Variants in HS3ST3A1 observed in about 807,000 individuals in gnomAD.
The protein encoded by HS3ST3A1 is heparan sulfate glucosamine 3-O-sulfotransferase 3A1.
HS3ST3A1 carries 19 observed loss-of-function variants against 25.7 expected under a neutral mutation model. The observed-to-expected ratio is 0.74, with a 90% CI of 0.52 to 1.08. The LOEUF is 1.08. Ranked by LOEUF, HS3ST3A1 falls within the 50% of genes least tolerant of loss-of-function variation. The pLI, the probability that HS3ST3A1 is intolerant of heterozygous loss-of-function variation, is 0.00. For synonymous variants in HS3ST3A1, 226 were observed against 278.6 expected (o/e 0.81, Z 1.88); for missense variants, 459 against 594.3 (o/e 0.77, Z 2.37).
At chr17:13,514,507 A>G (rs1232027880) in intron 1 of HS3ST3A1, among the ~76,000 whole-genome samples, 1 of 152,164 alleles carries the variant, frequency 6.6e-6, no homozygotes, top group Non-Finnish European at 1.5e-5. Context: ...TCATATACTA[A>G]GTTGCTATGT....
intron 1 of HS3ST3A1, among the ~76,000 whole-genome samples, chr17:13,526,729 C>T (rs541159872): frequency 4.0e-5 from 6 of 151,822 alleles, no homozygotes; most frequent in African/African-American, 1.4e-4. Context: ...CTTACAGCAA[C>T]CTCCGCCTCC....
chr17:13,556,851 A>T (rs12947760), intron 1 of HS3ST3A1, among the ~76,000 whole-genome samples: 9,595 of 71,580 alleles, frequency 0.13, 403 homozygotes, highest in Non-Finnish European at 0.15. Flanking sequence ...AACTCCGCCT[A>T]AAAAAAAAAA....
intron 1 of HS3ST3A1, among the ~76,000 whole-genome samples, chr17:13,568,247 G>C (rs1244130978): frequency 6.6e-6 from 1 of 152,094 alleles, no homozygotes; most frequent in Non-Finnish European, 1.5e-5. Context: ...TACTTTTTTA[G>C]ACATAATTAC....
intron 1 of HS3ST3A1, among the ~76,000 whole-genome samples, chr17:13,511,871 T>C (rs368682661): frequency 6.6e-6 from 1 of 152,212 alleles, no homozygotes; most frequent in Non-Finnish European, 1.5e-5. Flanking sequence ...TTTTGATAGA[T>C]AACTTGGAAT....
chr17:13,591,308 A>G (rs1908419134), intron 1 of HS3ST3A1, among the ~76,000 whole-genome samples: 1 of 151,802 alleles, frequency 6.6e-6, no homozygotes, highest in Admixed American at 6.6e-5. Context: ...CAGCCTCCCA[A>G]AGTGCTGGGA....
At chr17:13,520,132 C>G (rs1484826165) in intron 1 of HS3ST3A1, among the ~76,000 whole-genome samples, 3 of 152,114 alleles carry the variant, frequency 2.0e-5, no homozygotes, top group Non-Finnish European at 4.4e-5. Context: ...CCACCACCTC[C>G]CTACATCTAT....
rs562516408 is a variant in HS3ST3A1, at chr17:13,506,999, G to A, written c.600-10181C>T. On this transcript the variant is annotated intron_variant, in intron 1 of 1. Transcript: ENST00000284110. ...TGGGAGAATCGCTTGAACCCGGGAG[G>A]CAGAGGTTGCAGTGAGCCAAGATTG... Among the ~76,000 whole-genome samples the A allele has an allele frequency of 8.6e-5, 13 of 151,060 alleles. No individual in the cohort carries two copies. The East Asian group carries it at 2.5e-3, about 30-fold the overall frequency.
At chr17:13,586,871 C>CAAAAA (rs57580843) in intron 1 of HS3ST3A1, among the ~76,000 whole-genome samples, 3 of 44,730 alleles carry the variant, frequency 6.7e-5, no homozygotes, top group Non-Finnish European at 3.6e-5. Flanking sequence ...CTCTGTCTCA[C>CAAAAA]AAAAAAAAAA....
chr17:13,589,545 G>A (rs774886489), intron 1 of HS3ST3A1, among the ~76,000 whole-genome samples: 1 of 152,076 alleles, frequency 6.6e-6, no homozygotes, highest in Non-Finnish European at 1.5e-5. Context: ...AGGAGTAAGA[G>A]TAAGGCCTCA....
intron 1 of HS3ST3A1, among the ~76,000 whole-genome samples, chr17:13,586,163 C>G (rs1300708004): frequency 3.9e-5 from 6 of 151,984 alleles, no homozygotes; most frequent in Non-Finnish European, 8.8e-5. Context: ...TTCCTTATCA[C>G]AGTTACAGTT....
chr17:13,571,847 C>G (rs756844231), intron 1 of HS3ST3A1, among the ~76,000 whole-genome samples: 11 of 152,176 alleles, frequency 7.2e-5, no homozygotes, highest in Non-Finnish European at 1.6e-4. Context: ...GCAGCCTCCA[C>G]CTCCCAGGTT....
intron 1 of HS3ST3A1, among the ~76,000 whole-genome samples, chr17:13,574,923 GA>G (rs1184433942): frequency 2.0e-5 from 3 of 152,022 alleles, no homozygotes; most frequent in Non-Finnish European, 4.4e-5. Context: ...AATACTGCTT[GA>G]AGACAAAATA....
chr17:13,586,971 A>G (rs999810003), intron 1 of HS3ST3A1, among the ~76,000 whole-genome samples: 3 of 150,010 alleles, frequency 2.0e-5, no homozygotes, highest in Non-Finnish European at 4.4e-5. Context: ...TTTTGATTTC[A>G]TATTGAAAAT....
chr17:13,588,290 C>T (rs1908330558), intron 1 of HS3ST3A1, among the ~76,000 whole-genome samples: 1 of 151,754 alleles, frequency 6.6e-6, no homozygotes, highest in African/African-American at 2.4e-5. Context: ...AAATTGCTGA[C>T]ACCTGGCCTA....
chr17:13,570,281 G>A (rs770470028), intron 1 of HS3ST3A1, among the ~76,000 whole-genome samples: 15 of 152,106 alleles, frequency 9.9e-5, no homozygotes, highest in Non-Finnish European at 1.6e-4. Context: ...CAAATGACTC[G>A]TTGTTTCCTT....
intron 1 of HS3ST3A1, among the ~76,000 whole-genome samples, chr17:13,560,074 G>A (rs1907489803): frequency 6.6e-6 from 1 of 151,498 alleles, no homozygotes; most frequent in Non-Finnish European, 1.5e-5. Flanking sequence ...CAGATCACCT[G>A]AGGTCAGGAG....
intron 1 of HS3ST3A1, among the ~76,000 whole-genome samples, chr17:13,556,585 G>A (rs556929953): frequency 6.7e-6 from 1 of 149,974 alleles, no homozygotes; most frequent in Non-Finnish European, 1.5e-5. Context: ...CGGTCATGGT[G>A]GCTCATGCCT....
intron 1 of HS3ST3A1, among the ~76,000 whole-genome samples, chr17:13,509,402 A>G (rs917785146): frequency 9.2e-5 from 14 of 152,248 alleles, no homozygotes; most frequent in African/African-American, 3.1e-4. Context: ...AAGTGAGTGT[A>G]TTTCAGTAAA....
intron 1 of HS3ST3A1, among the ~76,000 whole-genome samples, chr17:13,516,181 G>A (rs1048254924): frequency 6.6e-6 from 1 of 152,002 alleles, no homozygotes; most frequent in Non-Finnish European, 1.5e-5. Context: ...ATGGTGGCAC[G>A]TGCCTGTAAT....
Sources: allele counts gnomAD v4.1 joint callset (sites outside exome capture counted in the v4.1 genomes callset), GRCh38; gene constraint gnomAD v4.1.1; transcripts MANE v1.5; gene names NCBI Gene and HGNC (gene_info 2026-07-23, HGNC 2026-07-21).